The following DIPK1A variants were observed in gnomAD, a reference collection of about 807,000 sequenced individuals.
DIPK1A encodes the protein divergent protein kinase domain 1A.
DIPK1A carries 27 observed loss-of-function variants against 40.8 expected under a neutral mutation model. That is an observed-to-expected ratio of 0.66 (90% CI 0.49 to 0.91). The LOEUF is 0.91. Ranked by LOEUF, DIPK1A falls within the 40% of genes least tolerant of loss-of-function variation. The probability of loss-of-function intolerance (pLI) is 0.00; values close to 1 mark genes in which losing one functional copy is unlikely to be tolerated. For synonymous variants in DIPK1A, 166 were observed against 171.3 expected (o/e 0.97, Z 0.24); for missense variants, 412 against 505.7 (o/e 0.81, Z 1.78).
At chr1:92,960,211 A>G (rs1380682146) in intron 1 of DIPK1A, among the ~76,000 whole-genome samples, 1 of 152,038 alleles carries the variant, frequency 6.6e-6, no homozygotes, top group Non-Finnish European at 1.5e-5. Context: ...GCTTAATATC[A>G]TGGGTTGTCA....
chr1:92,885,996 C>T (rs1293571370), intron 1 of DIPK1A, among the ~76,000 whole-genome samples: 1 of 152,012 alleles, frequency 6.6e-6, no homozygotes, highest in Non-Finnish European at 1.5e-5. Flanking sequence ...TTAACATAAA[C>T]ATGTTCTTAT....
intron 1 of DIPK1A, among the ~76,000 whole-genome samples, chr1:92,917,260 G>T (rs1049685056): frequency 6.6e-6 from 1 of 151,954 alleles, no homozygotes; most frequent in Non-Finnish European, 1.5e-5. Context: ...TCATTCTTTT[G>T]AATTATTTCC....
intron 1 of DIPK1A, among the ~76,000 whole-genome samples, chr1:92,918,970 T>C (rs900941985): frequency 5.3e-5 from 8 of 152,184 alleles, no homozygotes; most frequent in South Asian, 2.1e-4. Context: ...GTAATGCTGC[T>C]GGCCCACCAC....
chr1:92,870,748 G>A (rs939623384), intron 2 of DIPK1A, among the ~76,000 whole-genome samples: 11 of 152,200 alleles, frequency 7.2e-5, no homozygotes, highest in Non-Finnish European at 1.2e-4. Flanking sequence ...CTTTAGGACT[G>A]CCCTCAGCTA....
chr1:92,844,930 A>G (rs1025359143), intron 4 of DIPK1A, among the ~76,000 whole-genome samples: 3 of 147,030 alleles, frequency 2.0e-5, no homozygotes, highest in Non-Finnish European at 4.5e-5. Context: ...TAATCTATAT[A>G]TTAGTATTTC....
At chr1:92,871,711 T>C (rs535688341) in intron 2 of DIPK1A, among the ~76,000 whole-genome samples, 1 of 152,238 alleles carries the variant, frequency 6.6e-6, no homozygotes, top group East Asian at 1.9e-4. Context: ...AATGGAATCA[T>C]ACAATATTTG....
At chr1:92,870,231 A>G (rs2811599) in intron 2 of DIPK1A, among the ~76,000 whole-genome samples, 140,506 of 152,206 alleles carry the variant, frequency 0.92, 64,914 homozygotes, top group East Asian at 0.97. Context: ...GCTGGATTTT[A>G]ATTTTTATTT....
intron 1 of DIPK1A, among the ~76,000 whole-genome samples, chr1:92,877,742 C>T (rs910742505): frequency 2.0e-5 from 3 of 152,106 alleles, no homozygotes; most frequent in African/African-American, 7.2e-5. Flanking sequence ...AGATTAAACT[C>T]CAAATTAAAT....
chr1:92,887,154 ACAC>A (rs1208403208), intron 1 of DIPK1A, among the ~76,000 whole-genome samples: 12 of 151,066 alleles, frequency 7.9e-5, no homozygotes, highest in Non-Finnish European at 2.9e-5. Context: ...GTAGTGGCTC[ACAC>A]CTGTAATTCC....
At chr1:92,856,963 C>CA (rs1369243233) in intron 2 of DIPK1A, among the ~76,000 whole-genome samples, 2 of 152,148 alleles carry the variant, frequency 1.3e-5, no homozygotes, top group African/African-American at 4.8e-5. Flanking sequence ...AAATACTATG[C>CA]AGTCATTAAA....
chr1:92,892,608 A>C (rs987674247), intron 1 of DIPK1A, among the ~76,000 whole-genome samples: 3 of 152,148 alleles, frequency 2.0e-5, no homozygotes, highest in Admixed American at 1.3e-4. Context: ...CCTTCTCCAA[A>C]GGAATGCAGC....
intron 3 of DIPK1A, among the ~76,000 whole-genome samples, chr1:92,848,081 G>A (rs1687696602): frequency 6.6e-6 from 1 of 152,016 alleles, no homozygotes; most frequent in South Asian, 2.1e-4. Flanking sequence ...CCAATCTTAG[G>A]TGGTAGGTAC....
At chr1:92,924,019 C>T (rs1197864847) in intron 1 of DIPK1A, among the ~76,000 whole-genome samples, 2 of 152,174 alleles carry the variant, frequency 1.3e-5, no homozygotes, top group Non-Finnish European at 2.9e-5. Flanking sequence ...AATAACATAC[C>T]TCTCCATTTA....
chr1:92,908,789 G>A (rs1009440571), intron 1 of DIPK1A, among the ~76,000 whole-genome samples: 3 of 152,172 alleles, frequency 2.0e-5, no homozygotes, highest in Admixed American at 6.5e-5. Context: ...GAGATCCAAA[G>A]AGGGGACAAA....
chr1:92,946,870 C>T (rs747354702), intron 1 of DIPK1A, among the ~76,000 whole-genome samples: 3 of 148,796 alleles, frequency 2.0e-5, no homozygotes, highest in Non-Finnish European at 4.4e-5. Context: ...CCCGAGCCTG[C>T]GATGTTGAAG....
chr1:92,948,663 A>ATG (rs1491278374), intron 1 of DIPK1A, among the ~76,000 whole-genome samples: 2 of 146,008 alleles, frequency 1.4e-5, no homozygotes, highest in Non-Finnish European at 3.0e-5. Context: ...GTATATATAC[A>ATG]TATGTGTATA....
rs752654236 is a variant in DIPK1A at position 92,876,361 on chromosome 1, T to C, written c.124A>G (p.Ile42Val). 8 of 1,611,082 alleles carry C rather than the reference T, an allele frequency of 5.0e-6. No homozygotes were observed. In the Admixed American group the frequency reaches 1.2e-4, roughly 24 times the overall value. Residue 42 changes from isoleucine to valine, a missense_variant, in exon 2 of 5, where the codon ATT becomes GTT. Ile to Val is a conservative substitution (Grantham distance 29). Coordinates refer to ENST00000370310, the MANE Select transcript of DIPK1A (RefSeq NM_001006605.5). ...TAGGTAGAATACTGCACATATATAA[T>C]CCAGCTTCCAACAAAAACCACTAAC... ...SWLVVFVGSW[I>V]IYVQYSTYTE...
At chr1:92,934,507 C>T (rs1650876357) in intron 1 of DIPK1A, among the ~76,000 whole-genome samples, 1 of 151,902 alleles carries the variant, frequency 6.6e-6, no homozygotes, top group Non-Finnish European at 1.5e-5. Flanking sequence ...GCTAAAATGA[C>T]AAATCTGGAT....
intron 1 of DIPK1A, among the ~76,000 whole-genome samples, chr1:92,959,825 G>A (rs1210239171): frequency 6.9e-6 from 1 of 145,276 alleles, no homozygotes; most frequent in Non-Finnish European, 1.5e-5. Context: ...TCAGCTCACT[G>A]CAATCTCCGC....
Sources: allele counts gnomAD v4.1 joint callset (sites outside exome capture counted in the v4.1 genomes callset), GRCh38; gene constraint gnomAD v4.1.1; transcripts MANE v1.5; gene names NCBI Gene and HGNC (gene_info 2026-07-23, HGNC 2026-07-21).